The following NEDD4L variants were observed in gnomAD, a reference collection of about 807,000 sequenced individuals.
NEDD4L encodes the protein NEDD4 like E3 ubiquitin protein ligase, also known as E3 ubiquitin-protein ligase NEDD4-like.
NEDD4L carries 54 observed loss-of-function variants against 148.9 expected under a neutral mutation model. The ratio of observed to expected loss-of-function variants is 0.36; its 90% CI spans 0.29 to 0.45. NEDD4L has a LOEUF of 0.45. NEDD4L is among the 20% of genes least tolerant of loss of function. The pLI, the probability that NEDD4L is intolerant of heterozygous loss-of-function variation, is 1.00. For missense variants in NEDD4L, 856 were observed against 1,233.8 expected (o/e 0.69, Z 4.59); for synonymous variants, 433 against 440.7 (o/e 0.98, Z 0.22).
Position 58,399,166 on chromosome 18 carries a change from T to C in NEDD4L, c.*2897T>C, listed in dbSNP as rs1171139629. 6.6e-6 allele frequency: 1 copy of C among 152,166 alleles called. No homozygotes were observed. The highest frequency in any genetic ancestry group is 1.5e-5 in the Non-Finnish European group (1 of 68,034). The allele number at this position is 152,166 out of a possible 1,614,324, so 9.4% of individuals were successfully genotyped here. A position where few individuals can be genotyped will look rare whatever the true frequency, so the allele number is the denominator to read the frequency against. On this transcript the variant is annotated 3_prime_UTR_variant, in exon 31 of 31. Transcript: ENST00000400345. ...TGCCCCTTGTTGGCCCGAGGAAGGA[T>C]GTGGAAAGAGCACCTGGTGGGATGA...
At position 58,330,893 on chromosome 18, in the gene NEDD4L, G is replaced by A. The variant is rs1445815899; in HGVS notation, c.969G>A (p.Gly323=). Residue 323 remains glycine (G), a synonymous_variant, in exon 11 of 31, where the codon GGG becomes GGA. Transcript: ENST00000400345. ...RRLQITPDSN[G]EQFSSLIQRE... ...TTCAGATCACTCCAGACTCCAATGG[G>A]GAACAGTTCAGCTCTTTGATTGTAA... The A allele has an allele frequency of 1.9e-6, 3 of 1,613,702 alleles. No homozygotes were observed. The East Asian group carries it at 6.7e-5, about 36-fold the overall frequency.
intron 16 of NEDD4L, among the ~76,000 whole-genome samples, chr18:58,346,536 A>G (rs1440476151): frequency 4.6e-5 from 7 of 152,224 alleles, no homozygotes; most frequent in Non-Finnish European, 1.0e-4. Flanking sequence ...AGTTCAAACT[A>G]ATGAAACTTA....
intron 2 of NEDD4L, among the ~76,000 whole-genome samples, chr18:58,203,847 A>G (rs879631405): frequency 6.6e-6 from 1 of 152,190 alleles, no homozygotes; most frequent in African/African-American, 2.4e-5. Flanking sequence ...ACAACTGTGT[A>G]CTGCAATTTA....
chr18:58,200,870 C>T (rs2041316910), intron 2 of NEDD4L, among the ~76,000 whole-genome samples: 1 of 152,198 alleles, frequency 6.6e-6, no homozygotes, highest in South Asian at 2.1e-4. Context: ...GATGCTGAAT[C>T]TATTACTTTG....
At chr18:58,326,911 CCA>C (rs1042015288) in intron 9 of NEDD4L, among the ~76,000 whole-genome samples, 1 of 151,980 alleles carries the variant, frequency 6.6e-6, no homozygotes, top group Non-Finnish European at 1.5e-5. Context: ...TTTGATGGCT[CCA>C]CAGGTGTAGA....
intron 2 of NEDD4L, among the ~76,000 whole-genome samples, chr18:58,208,629 C>T (rs778182892): frequency 9.2e-5 from 14 of 152,184 alleles, no homozygotes; most frequent in Non-Finnish European, 1.8e-4. Context: ...AGGTCAGAGC[C>T]TCTCACCCTG....
In NEDD4L at chr18:58,329,107, G is replaced by A; in HGVS notation, c.793G>A (p.Glu265Lys). The change falls in exon 10 of 31, where the codon GAG (glutamate) becomes AAG (lysine). Residue 265 changes from glutamate (E) to lysine (K), a missense_variant. Physicochemically the swap from Glu to Lys is moderately conservative, Grantham distance 56 (BLOSUM62 1). Around this residue, in one of 4 missense-constraint regions of NEDD4L, gnomAD observed 367 missense variants for 422.7 expected, o/e 0.87. Transcript: ENST00000400345. ...ISEDLEPEPS[E>K]GGDVPEPWET... ...CGAAGACTTGGAGCCCGAGCCCTCGGAGGGCGGGGATGTCCCCGAGGTACG... is the reference window on the plus strand; with the variant it reads ...CGAAGACTTGGAGCCCGAGCCCTCGAAGGGCGGGGATGTCCCCGAGGTACG... 6.2e-7 allele frequency: 1 copy of A among 1,613,980 alleles called. No homozygotes were observed.
At chr18:58,052,305 C>T (rs143010838) in intron 1 of NEDD4L, among the ~76,000 whole-genome samples, 247 of 152,284 alleles carry the variant, frequency 1.6e-3, no homozygotes, top group African/African-American at 5.7e-3. Context: ...ATCTGGGCCT[C>T]TTGTTTCATG....
chr18:58,213,445 G>A (rs755904116), intron 2 of NEDD4L, among the ~76,000 whole-genome samples: 6 of 152,252 alleles, frequency 3.9e-5, no homozygotes, highest in Non-Finnish European at 5.9e-5. Flanking sequence ...CTTGATGAAT[G>A]AGAAGCAATG....
Position 58,343,170 on chromosome 18 carries a change from T to C in NEDD4L, c.1575+67T>C. On this transcript the variant is annotated intron_variant, in intron 16 of 30. Transcript: ENST00000400345. ...GTCTGGCATTAATTCCTTGATTTCC[T>C]TAGTGTTTGTAGTTCTTGCAGAGGA... 2 of 1,438,872 alleles carry C rather than the reference T, an allele frequency of 1.4e-6. 1 individual carries two copies. Among genetic ancestry groups the C allele is most frequent in the South Asian group, 2.8e-5 (2 of 70,326 alleles). The allele number at this position is 1,438,872 out of a possible 1,614,324, so 89.1% of individuals were successfully genotyped here.
chr18:58,063,524 A>C (rs977980993), intron 1 of NEDD4L, among the ~76,000 whole-genome samples: 14 of 150,196 alleles, frequency 9.3e-5, no homozygotes, highest in African/African-American at 2.2e-4. Flanking sequence ...AGTTTTTCTA[A>C]TATTGCTTTT....
intron 5 of NEDD4L, among the ~76,000 whole-genome samples, chr18:58,300,700 G>A (rs1465484574): frequency 6.6e-6 from 1 of 152,208 alleles, no homozygotes; most frequent in East Asian, 1.9e-4. Flanking sequence ...GCTCAGTTCA[G>A]TGCAGTATTA....
At position 58,073,900 on chromosome 18, in the gene NEDD4L, G is replaced by T. The variant is rs147088319; in HGVS notation, c.48+29192G>T. On this transcript the variant is annotated intron_variant, in intron 1 of 30. Coordinates refer to ENST00000400345, the MANE Select transcript of NEDD4L (RefSeq NM_001144967.3). ...TTAAAAACAATATACAGTTAAGAGC[G>T]CATCCAGATACACCTAAGGTATTAG... Among the ~76,000 whole-genome samples the T allele has an allele frequency of 2.4e-3, 366 of 152,236 alleles. 3 individuals carry two copies. Among genetic ancestry groups the T allele is most frequent in the African/African-American group, 8.1e-3 (335 of 41,546 alleles).
At chr18:58,374,448 T>G (rs2047279557) in intron 24 of NEDD4L, among the ~76,000 whole-genome samples, 1 of 151,942 alleles carries the variant, frequency 6.6e-6, no homozygotes, top group Non-Finnish European at 1.5e-5. Flanking sequence ...TTGTGCCCCC[T>G]CCCCACTGCC....
intron 13 of NEDD4L, among the ~76,000 whole-genome samples, chr18:58,336,469 C>T (rs547940164): frequency 8.6e-5 from 13 of 151,214 alleles, no homozygotes; most frequent in Non-Finnish European, 1.6e-4. Flanking sequence ...CCCAGCTACT[C>T]GGGAGGCTGA....
chr18:58,289,470 T>C (rs559823339), intron 5 of NEDD4L, among the ~76,000 whole-genome samples: 3 of 152,340 alleles, frequency 2.0e-5, no homozygotes, highest in African/African-American at 7.2e-5. Flanking sequence ...GACTTTTTAA[T>C]ACGTTTACTA....
intron 6 of NEDD4L, among the ~76,000 whole-genome samples, chr18:58,321,245 GGGGTGATAA>G (rs2058744472): frequency 6.6e-6 from 1 of 152,224 alleles, no homozygotes; most frequent in South Asian, 2.1e-4. Context: ...GATAGGATGG[GGGGTGATAA>G]GGGTGGCTGA....
At chr18:58,279,903 T>C (rs2052743641) in intron 5 of NEDD4L, among the ~76,000 whole-genome samples, 1 of 152,214 alleles carries the variant, frequency 6.6e-6, no homozygotes, top group African/African-American at 2.4e-5. Flanking sequence ...TACACGGATG[T>C]TGAGCAGAGA....
At chr18:58,380,245 T>A (rs1601909641) in intron 24 of NEDD4L, among the ~76,000 whole-genome samples, 1 of 146,806 alleles carries the variant, frequency 6.8e-6, no homozygotes, top group South Asian at 2.1e-4. Flanking sequence ...CAAAACAGAT[T>A]TTTTTTTTTA....
Sources: allele counts gnomAD v4.1 joint callset (sites outside exome capture counted in the v4.1 genomes callset), GRCh38; gene constraint gnomAD v4.1.1; regional missense constraint gnomAD v4.1.1; transcripts MANE v1.5; gene names NCBI Gene and HGNC (gene_info 2026-07-23, HGNC 2026-07-21).